Variants in POP4 observed in about 807,000 individuals in gnomAD.
POP4 encodes POP4 ribonuclease P/MRP subunit.
A neutral mutation model predicts 29.9 loss-of-function variants in POP4; 31 were observed. That is an observed-to-expected ratio of 1.04 (90% CI 0.78 to 1.40). The LOEUF (loss-of-function observed/expected upper bound fraction) is 1.40. Among genes scored for constraint, POP4 ranks in the 40% most tolerant of loss-of-function variants. The pLI is 0.00. For missense variants in POP4, 286 were observed against 282.7 expected, an observed-to-expected ratio of 1.01 and a Z score of -0.08; for synonymous variants, 110 against 108.2, an observed-to-expected ratio of 1.02 and a Z score of -0.10.
chr19:29,609,412 T>A (rs3786516), intron 2 of POP4, among the ~76,000 whole-genome samples: 118,281 of 152,184 alleles, frequency 0.78, 45,990 homozygotes, highest in East Asian at 0.83. Flanking sequence ...TGCGTTACTA[T>A]TGACAGATCA....
chr19:29,607,859 T>C (rs1971018297), intron 1 of POP4, among the ~76,000 whole-genome samples: 1 of 152,224 alleles, frequency 6.6e-6, no homozygotes, highest in African/African-American at 2.4e-5. Flanking sequence ...TTTCTAACCA[T>C]CTACATCCTA....
intron 4 of POP4, 74 bp from the exon 5 acceptor site, chr19:29,612,043 C>A: frequency 1.9e-6 from 3 of 1,583,672 alleles, no homozygotes; most frequent in South Asian, 1.1e-5. Context: ...TGGCTGCAGA[C>A]GGTTAAAGAC....
At chr19:29,610,333 T>G in intron 2 of POP4, 76 bp from the exon 3 acceptor site, 1 of 1,361,752 alleles carries the variant, frequency 7.3e-7, no homozygotes, top group African/African-American at 1.5e-5. Context: ...CTGCCGGGAA[T>G]GGCGGGCGGG....
rs565503123 is a variant in POP4 at position 29,610,464 on chromosome 19, C to G, written c.116C>G (p.Thr39Arg). 2.5e-6 allele frequency: 4 copies of G among 1,600,314 alleles called. No individual in the cohort carries two copies. The East Asian group carries it at 9.0e-5, about 36-fold the overall frequency. ...GTGAGGGCCTTCCTGAAGCGCAGCA[C>G]GCCCCGCATGAGCCCGCAGGCCCGC... ...AFVRAFLKRS[T>R]PRMSPQARED... Residue 39 changes from threonine (T) to arginine (R), a missense_variant, in exon 3 of 7, where the codon ACG becomes AGG. Coordinates refer to ENST00000585603, the MANE Select transcript of POP4 (RefSeq NM_006627.3).
intron 6 of POP4, among the ~76,000 whole-genome samples, chr19:29,614,665 G>A (rs1225007331): frequency 2.0e-5 from 3 of 151,900 alleles, no homozygotes; most frequent in Admixed American, 6.6e-5. Flanking sequence ...CACCACGCCC[G>A]GCTAATTTTT....
intron 2 of POP4, chr19:29,608,972 A>G: frequency 2.6e-6 from 1 of 391,448 alleles, no homozygotes; most frequent in Non-Finnish European, 4.7e-6. Flanking sequence ...TGTTGGGGAC[A>G]CCAGGCTGTG....
intron 2 of POP4, among the ~76,000 whole-genome samples, chr19:29,609,633 G>C (rs557654012): frequency 2.0e-5 from 3 of 148,538 alleles, no homozygotes; most frequent in African/African-American, 7.8e-5. Flanking sequence ...TTCTTTGTTT[G>C]TTTGTTTGTT....
Position 29,615,795 on chromosome 19 carries a change from G to A in POP4, c.*415G>A, listed in dbSNP as rs1971123833. 6.5e-6 allele frequency: 1 copy of A among 154,512 alleles called. No homozygotes were observed. The highest frequency in any genetic ancestry group is 2.4e-5 in the African/African-American group (1 of 41,510). 9.6% of individuals were successfully genotyped at this position (154,512 alleles called of 1,614,324 possible). ...ACAGGGATCAAATAAAGGAGGTATT[G>A]CTGCAGTCCAGCCAGGTTGAAAGGG... On this transcript the variant is annotated 3_prime_UTR_variant, in exon 7 of 7. Transcript: ENST00000585603.
In POP4 at chr19:29,615,238, T is replaced by TTTTC; in HGVS notation, c.527-4_527-3insTCTT. On this transcript the variant is annotated splice_polypyrimidine_tract_variant and splice_region_variant and intron_variant, in intron 6 of 6. Transcript: ENST00000585603. Reference sequence around the variant, plus strand: ...TTTCTCCTGCCTTTTTTTTTTTTTTTTTCAGTTATCCCCAAGCTAAACTGC... The same window carrying TTTTC: ...TTTCTCCTGCCTTTTTTTTTTTTTTTTTTCTTCAGTTATCCCCAAGCTAAACTGC... 6.5e-7 allele frequency: 1 copy of TTTTC among 1,532,986 alleles called. No homozygotes were observed. Among genetic ancestry groups the TTTTC allele is most frequent in the Non-Finnish European group, 8.7e-7 (1 of 1,144,114 alleles). The allele number at this position is 1,532,986 out of a possible 1,614,324, so 95.0% of individuals were successfully genotyped here. A position where few individuals can be genotyped will look rare whatever the true frequency, so the allele number is the denominator to read the frequency against.
At position 29,615,371 on chromosome 19, in the gene POP4, T is replaced by G; in HGVS notation, c.654T>G (p.Ile218Met). Residue 218 changes from isoleucine (I) to methionine (M), a missense_variant, in exon 7 of 7, where the codon ATT (isoleucine) becomes ATG (methionine). By Grantham distance (10) the Ile-to-Met change is conservative. Transcript: ENST00000585603. ...AGAAGTTCAAAGCGAAGGGAACGATTGACCTGTGAATTCTTTGCCGTCTAA... is the reference window on the plus strand; with the variant it reads ...AGAAGTTCAAAGCGAAGGGAACGATGGACCTGTGAATTCTTTGCCGTCTAA... ...SAKKFKAKGTIDL is the reference protein window; with the variant it reads ...SAKKFKAKGTMDL 1.2e-6 allele frequency: 2 copies of G among 1,613,478 alleles called. No homozygotes were observed. Among genetic ancestry groups the G allele is most frequent in the Non-Finnish European group, 1.7e-6 (2 of 1,179,800 alleles).
intron 2 of POP4, among the ~76,000 whole-genome samples, chr19:29,610,005 C>T (rs1474103099): frequency 6.6e-6 from 1 of 152,250 alleles, no homozygotes; most frequent in African/African-American, 2.4e-5. Flanking sequence ...TAGCTTAGTG[C>T]TACTCTGAGC....
At position 29,617,114 on chromosome 19, in the gene POP4, C is replaced by T. The variant is rs903623381; in HGVS notation, c.*1734C>T. ...AAGTGGCATCTATTCCCCCAGCCAT[C>T]TGAAAATGCTGTGTTCATAACCAAA... is the stretch of plus-strand genomic sequence containing the variant. On this transcript the variant is annotated 3_prime_UTR_variant, in exon 7 of 7. Coordinates refer to ENST00000585603, the MANE Select transcript of POP4 (RefSeq NM_006627.3). The T allele has an allele frequency of 9.9e-5, 15 of 152,234 alleles. No individual in the cohort carries two copies. The highest frequency in any genetic ancestry group is 3.6e-4 in the African/African-American group (15 of 41,452). 9.4% of individuals were successfully genotyped at this position (152,234 alleles called of 1,614,324 possible). A position where few individuals can be genotyped will look rare whatever the true frequency, so the allele number is the denominator to read the frequency against.
At chr19:29,609,100 G>C (rs558356501) in intron 2 of POP4, 2 of 161,460 alleles carry the variant, frequency 1.2e-5, no homozygotes, top group African/African-American at 4.8e-5. Flanking sequence ...GCCTCGGCCT[G>C]CTTTGTCAGT....
rs1216431726 is a variant in POP4 at position 29,616,227 on chromosome 19, T to G, written c.*847T>G. ...ATTTTTGCTGCTGAAAGACTTGGCT[T>G]TTCAGTCTGACCCTGGCCCTCTGTG... On this transcript the variant is annotated 3_prime_UTR_variant, in exon 7 of 7. Transcript: ENST00000585603. 1.3e-5 allele frequency: 2 copies of G among 152,246 alleles called. No homozygotes were observed. Among genetic ancestry groups the G allele is most frequent in the Admixed American group, 6.5e-5 (1 of 15,286 alleles). The allele number at this position is 152,246 out of a possible 1,614,324, so 9.4% of individuals were successfully genotyped here. A position where few individuals can be genotyped will look rare whatever the true frequency, so the allele number is the denominator to read the frequency against.
intron 1 of POP4, 130 bp from the exon 2 acceptor site, chr19:29,608,527 C>T: frequency 2.3e-6 from 2 of 884,836 alleles, no homozygotes; most frequent in Non-Finnish European, 3.5e-6. Context: ...GCCTTGGCCT[C>T]CCAAAGTGCT....
At chr19:29,606,352 G>A in intron 1 of POP4, 27 bp downstream of exon 1, 1 of 1,603,422 alleles carries the variant, frequency 6.2e-7, no homozygotes. Context: ...AGTTGGAGAG[G>A]GTTGGGGACG....
chr19:29,608,507 G>A, intron 1 of POP4, 150 bp from the exon 2 acceptor site: 1 of 672,536 alleles, frequency 1.5e-6, no homozygotes, highest in Non-Finnish European at 2.6e-6. Context: ...CCTTGGGTCA[G>A]GATCCGCCCG....
intron 2 of POP4, among the ~76,000 whole-genome samples, chr19:29,609,393 A>G (rs973742959): frequency 1.3e-5 from 2 of 152,226 alleles, no homozygotes; most frequent in African/African-American, 4.8e-5. Flanking sequence ...TCTCCCACAG[A>G]AGGAAGGCTG....
rs1226421160 is a variant in POP4, at chr19:29,608,726, G to T, written c.60+17G>T. On this transcript the variant is annotated intron_variant, in intron 2 of 6. Coordinates refer to ENST00000585603, the MANE Select transcript of POP4 (RefSeq NM_006627.3). Reference sequence around the variant, plus strand: ...GATGTCCAGGTCAGTTCTTGGCAGGGAGTCCAGGAGCAACAGAGGTGATGG... The same window carrying T: ...GATGTCCAGGTCAGTTCTTGGCAGGTAGTCCAGGAGCAACAGAGGTGATGG... The T allele has an allele frequency of 6.2e-7, 1 of 1,612,148 alleles. No homozygotes were observed. Among genetic ancestry groups the T allele is most frequent in the Non-Finnish European group, 8.5e-7 (1 of 1,178,352 alleles).
Sources: allele counts gnomAD v4.1 joint callset (sites outside exome capture counted in the v4.1 genomes callset), GRCh38; gene constraint gnomAD v4.1.1; transcripts MANE v1.5; gene names NCBI Gene and HGNC (gene_info 2026-07-23, HGNC 2026-07-21).